Variants in CNTN5 observed in about 807,000 individuals in gnomAD.
The protein encoded by CNTN5 is contactin 5, also known as contactin-5.
A neutral mutation model predicts 129.1 loss-of-function variants in CNTN5; 77 were observed. The observed-to-expected ratio is 0.60, with a 90% confidence interval of 0.50 to 0.72. The LOEUF (loss-of-function observed/expected upper bound fraction) is 0.72. CNTN5 is among the 30% of genes least tolerant of loss of function. The pLI, the probability that CNTN5 is intolerant of heterozygous loss-of-function variation, is 0.00. For missense variants in CNTN5, 1,478 were observed against 1,328.8 expected, an observed-to-expected ratio of 1.11 and a Z score of -1.75; for synonymous variants, 509 against 465.6, an observed-to-expected ratio of 1.09 and a Z score of -1.20.
At position 99,289,163 on chromosome 11, in the gene CNTN5, A is replaced by T. The variant is rs140981872; in HGVS notation, c.-209-36183A>T. ...GATAATACATAAGAAAGCACCTAAC[A>T]TATTGTCTGGACTAATAAAGATTCA... On this transcript the variant is annotated intron_variant, in intron 1 of 24. Transcript: ENST00000524871. Among the ~76,000 whole-genome samples the T allele has an allele frequency of 2.7e-3, 416 of 151,986 alleles. 3 individuals are homozygous for T. Among genetic ancestry groups the T allele is most frequent in the African/African-American group, 9.7e-3 (405 of 41,552 alleles).
chr11:99,461,240 G>A (rs866485893), intron 2 of CNTN5, among the ~76,000 whole-genome samples: 13 of 152,020 alleles, frequency 8.6e-5, no homozygotes, highest in South Asian at 2.1e-4. Flanking sequence ...AAACAGAAGG[G>A]CAAATTCTAG....
chr11:99,807,638 C>T (rs1591223015), intron 3 of CNTN5, among the ~76,000 whole-genome samples: 3 of 152,116 alleles, frequency 2.0e-5, no homozygotes, highest in Admixed American at 6.6e-5. Flanking sequence ...TCTCAGCCTC[C>T]TAAATAGCTG....
chr11:99,923,313 A>C (rs1949981067), intron 7 of CNTN5, among the ~76,000 whole-genome samples: 2 of 152,230 alleles, frequency 1.3e-5, no homozygotes, highest in South Asian at 4.1e-4. Context: ...ACCTAGCCCA[A>C]ATGAGTTTTG....
intron 6 of CNTN5, among the ~76,000 whole-genome samples, chr11:99,899,209 C>T (rs1196418437): frequency 1.3e-5 from 2 of 151,926 alleles, no homozygotes; most frequent in Non-Finnish European, 2.9e-5. Context: ...AATTTGGATG[C>T]CTTTTATTTC....
chr11:99,699,600 T>C (rs990213535), intron 3 of CNTN5, among the ~76,000 whole-genome samples: 2 of 151,504 alleles, frequency 1.3e-5, no homozygotes, highest in Non-Finnish European at 3.0e-5. Flanking sequence ...GTGATGTGCC[T>C]AGCGAAGTAT....
At chr11:99,207,314 CTG>C (rs1694390795) in intron 1 of CNTN5, among the ~76,000 whole-genome samples, 1 of 152,148 alleles carries the variant, frequency 6.6e-6, no homozygotes, top group African/African-American at 2.4e-5. Flanking sequence ...GCACTAGAAA[CTG>C]TACTGTGCTA....
At chr11:100,122,647 T>C (rs559264957) in intron 13 of CNTN5, among the ~76,000 whole-genome samples, 17 of 152,018 alleles carry the variant, frequency 1.1e-4, no homozygotes, top group African/African-American at 4.1e-4. Flanking sequence ...GAAAAACCAT[T>C]TGGAGTATGC....
At chr11:99,194,130 A>G (rs1320731051) in intron 1 of CNTN5, among the ~76,000 whole-genome samples, 1 of 152,202 alleles carries the variant, frequency 6.6e-6, no homozygotes, top group African/African-American at 2.4e-5. Context: ...CTGAATTTAC[A>G]GAGAATTCAT....
intron 16 of CNTN5, among the ~76,000 whole-genome samples, chr11:100,244,465 T>C (rs10750533): frequency 0.22 from 32,798 of 152,060 alleles, 4,397 homozygotes; most frequent in East Asian, 0.63. Context: ...TGTTTCATGG[T>C]AGCTACTCAG....
chr11:100,227,865 A>T (rs1304080455), intron 16 of CNTN5, among the ~76,000 whole-genome samples: 1 of 152,198 alleles, frequency 6.6e-6, no homozygotes, highest in Non-Finnish European at 1.5e-5. Flanking sequence ...GTAGATATGT[A>T]AGAGATAATC....
chr11:99,402,180 A>G (rs879262955), intron 2 of CNTN5, among the ~76,000 whole-genome samples: 1 of 152,166 alleles, frequency 6.6e-6, no homozygotes, highest in Non-Finnish European at 1.5e-5. Context: ...GTATTTCCCC[A>G]TTCAGTATGA....
intron 1 of CNTN5, among the ~76,000 whole-genome samples, chr11:99,223,507 T>A (rs1421385554): frequency 6.6e-6 from 1 of 152,202 alleles, no homozygotes; most frequent in East Asian, 1.9e-4. Context: ...AAACTGCGCT[T>A]CAAATTCACT....
At chr11:99,767,485 G>A (rs904771993) in intron 3 of CNTN5, among the ~76,000 whole-genome samples, 1 of 151,982 alleles carries the variant, frequency 6.6e-6, no homozygotes, top group Admixed American at 6.6e-5. Flanking sequence ...CTAAGTAATG[G>A]TATTCAATTT....
intron 2 of CNTN5, among the ~76,000 whole-genome samples, chr11:99,505,286 TA>T (rs1263974517): frequency 2.6e-5 from 4 of 152,224 alleles, no homozygotes; most frequent in Non-Finnish European, 4.4e-5. Flanking sequence ...CACAAAGTAG[TA>T]AATCTCTAAT....
chr11:99,155,672 T>G (rs190648374), intron 1 of CNTN5, among the ~76,000 whole-genome samples: 2,518 of 151,640 alleles, frequency 0.017, 39 homozygotes, highest in Non-Finnish European at 0.023. Flanking sequence ...AAAAAACTAG[T>G]AAGTGAAGCC....
At chr11:99,067,975 G>A (rs891413679) in intron 1 of CNTN5, among the ~76,000 whole-genome samples, 1 of 152,106 alleles carries the variant, frequency 6.6e-6, no homozygotes, top group Admixed American at 6.6e-5. Flanking sequence ...GTTATCAGGA[G>A]AGCTGATGGT....
chr11:99,331,457 A>T (rs922573232), intron 2 of CNTN5, among the ~76,000 whole-genome samples: 9 of 152,260 alleles, frequency 5.9e-5, no homozygotes, highest in Non-Finnish European at 1.2e-4. Context: ...TTACCTCAAC[A>T]TGCAGAAAGA....
intron 1 of CNTN5, among the ~76,000 whole-genome samples, chr11:99,050,373 T>C (rs912776411): frequency 8.6e-5 from 13 of 152,032 alleles, no homozygotes; most frequent in African/African-American, 3.1e-4. Flanking sequence ...TGGTTTATCA[T>C]TTGAAATATA....
intron 16 of CNTN5, among the ~76,000 whole-genome samples, chr11:100,228,446 C>G (rs1468421166): frequency 1.5e-5 from 2 of 136,746 alleles, no homozygotes; most frequent in Non-Finnish European, 3.3e-5. Flanking sequence ...AGATTTCAAC[C>G]TGTCTTTCAA....
Sources: gnomAD v4.1 joint callset for allele counts (sites outside exome capture counted in the v4.1 genomes callset) on GRCh38, gnomAD v4.1.1 for gene constraint, MANE v1.5 for transcripts, NCBI Gene and HGNC (gene_info 2026-07-23, HGNC 2026-07-21) for gene names.